KRT23: variants seen among roughly 807,000 people sequenced by gnomAD.
The protein encoded by KRT23 is keratin 23, also known as keratin, type I cytoskeletal 23.
In KRT23, 38 loss-of-function variants were observed where a neutral mutation model predicts 47.6. The ratio of observed to expected loss-of-function variants is 0.80; its 90% confidence interval spans 0.62 to 1.05. KRT23 has a LOEUF of 1.05. KRT23 is among the 50% of genes least tolerant of loss of function. The pLI is 0.00. For missense variants in KRT23, 503 were observed against 529.5 expected (o/e 0.95, Z 0.49); for synonymous variants, 191 against 199.0 (o/e 0.96, Z 0.34).
chr17:40,931,379 T>C lies in KRT23; in HGVS notation c.473A>G (p.Asn158Ser). 6.2e-7 allele frequency: 1 copy of C among 1,609,726 alleles called. No homozygotes were observed. The highest frequency in any genetic ancestry group is 8.5e-7 in the Non-Finnish European group (1 of 1,175,986). ...DNARMAVDDFNLKYENEHSFK... is the reference protein window; with the variant it reads ...DNARMAVDDFSLKYENEHSFK... ...CTGTGAAGAAGGAACTTACTTGAGG[T>C]TGAAGTCATCCACTGCCATCCTGGC... The change falls in exon 3 of 9, where the codon AAC (asparagine) becomes AGC (serine). Residue 158 changes from asparagine to serine, a missense_variant. Physicochemically the swap from Asn to Ser is conservative, Grantham distance 46 (BLOSUM62 1). Coordinates refer to ENST00000209718, the MANE Select transcript of KRT23 (RefSeq NM_015515.5).
chr17:40,926,381 G>A (rs1909224075), intron 6 of KRT23, among the ~76,000 whole-genome samples: 1 of 152,196 alleles, frequency 6.6e-6, no homozygotes, highest in Non-Finnish European at 1.5e-5. Flanking sequence ...TGGTCAGCCA[G>A]TCTCCTACTC....
chr17:40,936,439 A>C lies in KRT23; in HGVS notation c.165T>G (p.Pro55=). The change falls in exon 2 of 9, where the codon CCT becomes CCG. Residue 55 remains proline (P), a synonymous_variant. Coordinates refer to ENST00000209718, the MANE Select transcript of KRT23 (RefSeq NM_015515.5). ...LSFTTRSCPP[P]GGSWGSGRSS... ...TTCTTCCAGAACCCCAAGACCCTCC[A>C]GGGGGTGGGCAGCTCCGCGTGGTGA... 1 of 1,611,184 alleles carries C rather than the reference A, an allele frequency of 6.2e-7. No homozygotes were observed. Among genetic ancestry groups the C allele is most frequent in the African/African-American group, 1.3e-5 (1 of 74,916 alleles).
intron 2 of KRT23, among the ~76,000 whole-genome samples, chr17:40,932,282 T>G (rs1341301039): frequency 6.6e-6 from 1 of 152,222 alleles, no homozygotes; most frequent in Non-Finnish European, 1.5e-5. Context: ...TAATTTTTTT[T>G]TTACTTTGAA....
intron 2 of KRT23, among the ~76,000 whole-genome samples, 191 bp downstream of exon 2, chr17:40,936,017 T>C (rs752787513): frequency 6.6e-6 from 1 of 152,192 alleles, no homozygotes; most frequent in Non-Finnish European, 1.5e-5. Context: ...GTAGACTAAT[T>C]AAACAAAACA....
Position 40,923,163 on chromosome 17 carries a change from T to A in KRT23, c.1175-80A>T, listed in dbSNP as rs1909032626. The A allele has an allele frequency of 8.9e-6, 10 of 1,124,234 alleles. 1 individual carries two copies. The South Asian group carries it at 1.2e-4, about 13-fold the overall frequency. 69.6% of individuals were successfully genotyped at this position (1,124,234 alleles called of 1,614,324 possible). ...TGTACTCATTTTCATTTCTCTGCTG[T>A]CAGCCCCTGAAGGCTCTCAGTGCCT... On this transcript the variant is annotated intron_variant, in intron 8 of 8. Coordinates refer to ENST00000209718, the MANE Select transcript of KRT23 (RefSeq NM_015515.5).
Position 40,936,743 on chromosome 17 carries a change from T to C in KRT23, c.-140A>G, listed in dbSNP as rs1404009476. On this transcript the variant is annotated 5_prime_UTR_variant, in exon 2 of 9. Coordinates refer to ENST00000209718, the MANE Select transcript of KRT23 (RefSeq NM_015515.5). ...TTCTCTGACAATTGTACCAACAAGA[T>C]TGTATCATTGTGCAACTTGTGTTTC... 1 of 743,076 alleles carries C rather than the reference T, an allele frequency of 1.3e-6. No homozygotes were observed. Among genetic ancestry groups the C allele is most frequent in the Non-Finnish European group, 2.0e-6 (1 of 509,876 alleles). 46.0% of individuals were successfully genotyped at this position (743,076 alleles called of 1,614,324 possible).
At position 40,930,095 on chromosome 17, in the gene KRT23, A is replaced by G; in HGVS notation, c.481T>C (p.Tyr161His). The G allele has an allele frequency of 6.2e-7, 1 of 1,613,668 alleles. No homozygotes were observed. The highest frequency in any genetic ancestry group is 8.5e-7 in the Non-Finnish European group (1 of 1,179,758). The change falls in exon 4 of 9, where the codon TAT becomes CAT. Residue 161 changes from tyrosine (Y) to histidine (H), a missense_variant and splice_region_variant. By Grantham distance (83) the Tyr-to-His change is moderately conservative. Transcript: ENST00000209718. ...RMAVDDFNLK[Y>H]ENEHSFKKDL... ...TTCTTAAAGGAGTGTTCATTTTCAT[A>G]CCTTTGGTGAGAAGGAAGAGAAGAG... is the stretch of plus-strand genomic sequence containing the variant.
chr17:40,923,718 C>A (rs940319912), intron 8 of KRT23, among the ~76,000 whole-genome samples: 2 of 152,076 alleles, frequency 1.3e-5, no homozygotes, highest in African/African-American at 4.8e-5. Context: ...TCTCAAAGAC[C>A]CTTGTCTTAT....
Position 40,928,435 on chromosome 17 carries a change from CTTTCTT to C in KRT23, c.798+5_798+10del. 6.2e-7 allele frequency: 1 copy of C among 1,613,972 alleles called. No homozygotes were observed. ...TGCAACCTTTGGGAAGTTTGTGCAT[CTTTCTT>C]TTACCTGTTCTTTATACCAAGTGTC... On this transcript the variant is annotated splice_donor_5th_base_variant and intron_variant, in intron 5 of 8. Transcript: ENST00000209718.
intron 2 of KRT23, among the ~76,000 whole-genome samples, chr17:40,934,344 C>T (rs527505632): frequency 6.6e-6 from 1 of 152,274 alleles, no homozygotes; most frequent in African/African-American, 2.4e-5. Context: ...GAGTGAAATT[C>T]AAAGCCAAAG....
At chr17:40,928,094 G>A (rs1909343278) in intron 6 of KRT23, 144 bp downstream of exon 6, 4 of 1,009,608 alleles carry the variant, frequency 4.0e-6, no homozygotes, top group Non-Finnish European at 6.0e-6. Flanking sequence ...CTTTATTATG[G>A]TTCTCATCAT....
chr17:40,929,816 T>C, intron 4 of KRT23, 124 bp downstream of exon 4: 1 of 743,336 alleles, frequency 1.3e-6, no homozygotes, highest in East Asian at 2.6e-5. Context: ...TTCTAAAGAC[T>C]ATTTAGGGTG....
chr17:40,928,138 T>G (rs1010549970), intron 6 of KRT23, 100 bp downstream of exon 6: 4 of 1,437,456 alleles, frequency 2.8e-6, no homozygotes, highest in East Asian at 2.3e-5. Flanking sequence ...AAGTGAGAGT[T>G]GTCCCAAGGG....
At chr17:40,933,681 T>C (rs756962525) in intron 2 of KRT23, among the ~76,000 whole-genome samples, 33 of 152,246 alleles carry the variant, frequency 2.2e-4, no homozygotes, top group Non-Finnish European at 2.9e-4. Flanking sequence ...GAAATGTGCT[T>C]GATATAGAGC....
chr17:40,928,226 G>T lies in KRT23; in HGVS notation c.921+12C>A. The T allele has an allele frequency of 6.2e-7, 1 of 1,613,974 alleles. No individual in the cohort carries two copies. Among genetic ancestry groups the T allele is most frequent in the Non-Finnish European group, 8.5e-7 (1 of 1,179,990 alleles). ...TGGTGTGGGATTCACGGTTTTCCTAGCCTTGACTCACCGTGCTGTACTGTG... is the reference window on the plus strand; with the variant it reads ...TGGTGTGGGATTCACGGTTTTCCTATCCTTGACTCACCGTGCTGTACTGTG... On this transcript the variant is annotated intron_variant, in intron 6 of 8. Transcript: ENST00000209718.
At chr17:40,929,917 C>T (rs764270090) in intron 4 of KRT23, 23 bp downstream of exon 4, 3 of 1,611,026 alleles carry the variant, frequency 1.9e-6, no homozygotes, top group South Asian at 2.2e-5. Context: ...TGCTTATTAG[C>T]AGGTGTTCCT....
At chr17:40,928,093 G>C in intron 6 of KRT23, 145 bp downstream of exon 6, 1 of 997,650 alleles carries the variant, frequency 1.0e-6, no homozygotes, top group South Asian at 1.5e-5. Context: ...CCTTTATTAT[G>C]GTTCTCATCA....
intron 4 of KRT23, among the ~76,000 whole-genome samples, chr17:40,929,492 G>A (rs1023640402): frequency 3.3e-5 from 5 of 152,212 alleles, no homozygotes; most frequent in Non-Finnish European, 7.4e-5. Flanking sequence ...GTGATGGATG[G>A]TAACTCTAAA....
At chr17:40,936,155 G>T in intron 2 of KRT23, 53 bp downstream of exon 2, 3 of 1,601,416 alleles carry the variant, frequency 1.9e-6, no homozygotes, top group Non-Finnish European at 2.6e-6. Context: ...CCTCCCGAGG[G>T]TCCCCTGGCA....
Sources: allele counts gnomAD v4.1 joint callset (sites outside exome capture counted in the v4.1 genomes callset), GRCh38; gene constraint gnomAD v4.1.1; transcripts MANE v1.5; gene names NCBI Gene and HGNC (gene_info 2026-07-23, HGNC 2026-07-21).